ADGRV1: variants seen among roughly 807,000 people sequenced by gnomAD.
ADGRV1 encodes the protein adhesion G protein-coupled receptor V1.
In ADGRV1, 359 loss-of-function variants were observed where a neutral mutation model predicts 596.2. That is an observed-to-expected ratio of 0.60 (90% confidence interval 0.55 to 0.66). The LOEUF (loss-of-function observed/expected upper bound fraction) is 0.66, where lower values mean the gene tolerates loss of function less well. Among genes scored for constraint, ADGRV1 ranks in the 30% least tolerant of loss-of-function variants. The pLI is 0.00. For missense variants in ADGRV1, 7,274 were observed against 7,575.6 expected (o/e 0.96, Z 1.48); for synonymous variants, 2,681 against 2,679.2 (o/e 1.00, Z -0.02).
At chr5:90,656,593 G>C (rs1011896814) in intron 20 of ADGRV1, among the ~76,000 whole-genome samples, 6 of 152,150 alleles carry the variant, frequency 3.9e-5, no homozygotes, top group Admixed American at 6.5e-5. Context: ...AGGTGTTTCT[G>C]GTTTGCTGGG....
At chr5:90,589,513 C>T (rs756278506) in intron 1 of ADGRV1, among the ~76,000 whole-genome samples, 10 of 152,142 alleles carry the variant, frequency 6.6e-5, no homozygotes, top group Non-Finnish European at 1.0e-4. Context: ...GGTAAAAATA[C>T]AATAGATGAT....
intron 50 of ADGRV1, among the ~76,000 whole-genome samples, chr5:90,737,142 TATATTATTTTTA>T (rs749534292): frequency 6.6e-6 from 1 of 151,894 alleles, no homozygotes; most frequent in Non-Finnish European, 1.5e-5. Flanking sequence ...TACATTTTAG[TATATTATTTTTA>T]TTTTTGTCAT....
At chr5:90,936,749 C>G (rs1238162551) in intron 83 of ADGRV1, among the ~76,000 whole-genome samples, 1 of 151,928 alleles carries the variant, frequency 6.6e-6, no homozygotes, top group Non-Finnish European at 1.5e-5. Context: ...TCATTTAGTC[C>G]TAAACAGTTA....
chr5:91,061,875 G>A (rs1787463957), intron 85 of ADGRV1, among the ~76,000 whole-genome samples: 2 of 152,154 alleles, frequency 1.3e-5, no homozygotes, highest in African/African-American at 2.4e-5. Flanking sequence ...ATAGTTGTGT[G>A]TTCACTCCCT....
chr5:90,872,084 C>G (rs1360320184), intron 83 of ADGRV1, among the ~76,000 whole-genome samples: 1 of 152,110 alleles, frequency 6.6e-6, no homozygotes, highest in Non-Finnish European at 1.5e-5. Context: ...GCCCCTGAGC[C>G]TGCTTTTCTG....
At chr5:90,614,732 G>T (rs545215430) in intron 1 of ADGRV1, 103 bp from the exon 2 acceptor site, 1 of 856,850 alleles carries the variant, frequency 1.2e-6, no homozygotes, top group South Asian at 1.4e-5. Flanking sequence ...TTAGTTGTTT[G>T]CTGTCTAACT....
chr5:90,769,980 G>A (rs1757521773), intron 59 of ADGRV1, among the ~76,000 whole-genome samples: 1 of 152,178 alleles, frequency 6.6e-6, no homozygotes, highest in African/African-American at 2.4e-5. Context: ...GTGGCAGCCA[G>A]TTATTCTTGG....
chr5:91,055,851 T>C (rs942336002), intron 85 of ADGRV1, among the ~76,000 whole-genome samples: 1 of 152,250 alleles, frequency 6.6e-6, no homozygotes, highest in African/African-American at 2.4e-5. Context: ...TAAATCATTT[T>C]ATAACTAAAC....
At chr5:90,841,076 T>C (rs1050986726) in intron 78 of ADGRV1, 91 bp downstream of exon 78, 4 of 831,422 alleles carry the variant, frequency 4.8e-6, no homozygotes, top group Non-Finnish European at 5.3e-6. Context: ...TCTTTTAACA[T>C]TGGTTATTAT....
intron 82 of ADGRV1, among the ~76,000 whole-genome samples, chr5:90,859,657 A>G (rs900644505): frequency 2.2e-4 from 33 of 152,152 alleles, no homozygotes; most frequent in African/African-American, 7.2e-4. Context: ...GTTTAACACA[A>G]CACTCTCCAA....
chr5:90,865,497 A>C (rs1768007868), intron 83 of ADGRV1, among the ~76,000 whole-genome samples: 1 of 152,114 alleles, frequency 6.6e-6, no homozygotes, highest in Non-Finnish European at 1.5e-5. Context: ...TTTGATTCAT[A>C]TTGTACTTAA....
At chr5:90,562,506 C>T (rs898413271) in intron 1 of ADGRV1, among the ~76,000 whole-genome samples, 4 of 152,098 alleles carry the variant, frequency 2.6e-5, no homozygotes, top group South Asian at 2.1e-4. Flanking sequence ...CTGTGTTTTC[C>T]GATTCTACTG....
Position 90,692,649 on chromosome 5 carries a change from T to C in ADGRV1, c.6996T>C (p.Ile2332=). The change falls in exon 32 of 90, where the codon ATT becomes ATC. Residue 2332 remains isoleucine, a synonymous_variant. Transcript: ENST00000405460. ...CTGATGCCTCTGGTGGAGGTACTAT[T>C]GGGTTAGATCGAATTGCAAATATTA... The part of the protein sequence containing the change: ...QLTDASGGGT[I]GLDRIANIII... The C allele has an allele frequency of 1.2e-6, 2 of 1,611,864 alleles. No homozygotes were observed. The highest frequency in any genetic ancestry group is 2.2e-5 in the South Asian group (2 of 90,580).
intron 15 of ADGRV1, among the ~76,000 whole-genome samples, chr5:90,645,133 C>T (rs1216538231): frequency 6.6e-6 from 1 of 152,150 alleles, no homozygotes; most frequent in African/African-American, 2.4e-5. Flanking sequence ...GAGGCGAAGC[C>T]CTCGGCTTGT....
rs553025176 is a variant in ADGRV1, at chr5:90,861,436, G to A, written c.17756-2321G>A. 1.2e-3 allele frequency among the ~76,000 whole-genome samples: 176 copies of A among 151,710 alleles called. 3 individuals are homozygous for A. The highest frequency in any genetic ancestry group is 5.0e-4 in the Non-Finnish European group (34 of 67,878). ...GCGATTCTCCTGCCTCAGCCTCCCG[G>A]GTAGCTGGGACTACAGGTGCGTGCC... On this transcript the variant is annotated intron_variant, in intron 82 of 89. Transcript: ENST00000405460.
At position 90,840,609 on chromosome 5, in the gene ADGRV1, C is replaced by T; in HGVS notation, c.16643C>T (p.Thr5548Ile). The change falls in exon 78 of 90, where the codon ACC becomes ATC. Residue 5548 changes from threonine (T) to isoleucine (I), a missense_variant. Physicochemically the swap from Thr to Ile is moderately conservative, Grantham distance 89. Around this residue, in one of 5 missense-constraint regions of ADGRV1, gnomAD observed 1,874 missense variants for 1,970.2 expected, o/e 0.95. Coordinates refer to ENST00000405460, the MANE Select transcript of ADGRV1 (RefSeq NM_032119.4). ...AGGAGTGCTGAAACAATTGGTCGTA[C>T]CATCATATCTCCAGCTATTTCTGGA... ...ELRSAETIGR[T>I]IISPAISGKD... 1 of 1,611,208 alleles carries T rather than the reference C, an allele frequency of 6.2e-7. No homozygotes were observed.
chr5:90,791,272 GA>G lies in ADGRV1; in HGVS notation c.14447del (p.Asn4816MetfsTer21). On this transcript the variant is annotated frameshift_variant, in exon 70 of 90. Transcript: ENST00000405460. LOFTEE classifies it high-confidence loss of function. Reference sequence around the variant, plus strand: ...TCATAAAGAACAGCCGATTGTTACCGAAAATGCAGAGAGGCAGCTGGTGGTC... The same window carrying G: ...TCATAAAGAACAGCCGATTGTTACCGAAATGCAGAGAGGCAGCTGGTGGTC... ...SDHKEQPIVT[E>X]NAERQLVVKD... The G allele has an allele frequency of 6.2e-7, 1 of 1,607,038 alleles. No individual in the cohort carries two copies. Among genetic ancestry groups the G allele is most frequent in the Non-Finnish European group, 8.5e-7 (1 of 1,176,540 alleles).
chr5:90,722,167 G>GA (rs1456743432), intron 45 of ADGRV1, among the ~76,000 whole-genome samples: 2 of 152,046 alleles, frequency 1.3e-5, no homozygotes, highest in East Asian at 3.9e-4. Flanking sequence ...GAGAAGTGAA[G>GA]ATACAGGGAG....
intron 83 of ADGRV1, 53 bp downstream of exon 83, chr5:90,863,910 T>G (rs1328963214): frequency 8.6e-7 from 1 of 1,163,956 alleles, no homozygotes; most frequent in Non-Finnish European, 1.3e-6. Context: ...TGTTTCTTCT[T>G]CTTTGGTTCT....
Sources: allele counts gnomAD v4.1 joint callset (sites outside exome capture counted in the v4.1 genomes callset), GRCh38; gene constraint gnomAD v4.1.1; regional missense constraint gnomAD v4.1.1; transcripts MANE v1.5; gene names NCBI Gene and HGNC (gene_info 2026-07-23, HGNC 2026-07-21).